TACO1: variants seen among roughly 807,000 people sequenced by gnomAD.
TACO1 encodes the protein translational activator of cytochrome c oxidase 1.
Under a neutral mutation model 24.0 loss-of-function variants are expected in TACO1, and 13 were observed. That is an observed-to-expected ratio of 0.54 (90% CI 0.35 to 0.86). The LOEUF is 0.86. Ranked by LOEUF, TACO1 falls within the 40% of genes least tolerant of loss-of-function variation. The pLI is 0.01. For missense variants in TACO1, 352 were observed against 380.1 expected (o/e 0.93, Z 0.61); for synonymous variants, 149 against 153.5 (o/e 0.97, Z 0.22).
Position 63,601,145 on chromosome 17 carries a change from GC to G in TACO1, c.66del (p.Val24SerfsTer63). ...GCTGCCCGATGCTTGCTGGCACGAG[GC>G]CCCGGGGTCAGGGCGGCTCCTCCGC... ...RAAARCLLAR[G>X]PGVRAAPPRD... On this transcript the variant is annotated frameshift_variant, in exon 1 of 5. Transcript: ENST00000258975. LOFTEE classifies it high-confidence loss of function. 1 of 1,543,648 alleles carries G rather than the reference GC, an allele frequency of 6.5e-7. No homozygotes were observed. The highest frequency in any genetic ancestry group is 8.7e-7 in the Non-Finnish European group (1 of 1,145,284).
intron 2 of TACO1, 51 bp from the exon 3 acceptor site, chr17:63,606,262 T>C: frequency 6.2e-7 from 1 of 1,610,726 alleles, no homozygotes; most frequent in Non-Finnish European, 8.5e-7. Context: ...TGGGCTGACA[T>C]GTGGGAAGGA....
intron 3 of TACO1, 82 bp from the exon 4 acceptor site, chr17:63,607,205 G>T: frequency 7.9e-7 from 1 of 1,260,662 alleles, no homozygotes; most frequent in South Asian, 1.2e-5. Flanking sequence ...GTAAGAAAGA[G>T]ACAGTGATAG....
Position 63,601,489 on chromosome 17 carries a change from C to A in TACO1, c.280+126C>A, listed in dbSNP as rs947964418. The A allele has an allele frequency of 4.1e-6, 4 of 965,442 alleles. No individual in the cohort carries two copies. In the African/African-American group the frequency reaches 4.8e-5, roughly 12 times the overall value. 59.8% of individuals were successfully genotyped at this position (965,442 alleles called of 1,614,324 possible). On this transcript the variant is annotated intron_variant, in intron 1 of 4. Coordinates refer to ENST00000258975, the MANE Select transcript of TACO1 (RefSeq NM_016360.4). Reference sequence around the variant, plus strand: ...TTCACTTTGTTTTCCTTCCCCAGTACCCACCATTGCCCACCTCATAAATCC... The same window carrying A: ...TTCACTTTGTTTTCCTTCCCCAGTAACCACCATTGCCCACCTCATAAATCC...
At chr17:63,603,080 A>G (rs918637653) in intron 1 of TACO1, among the ~76,000 whole-genome samples, 1 of 151,930 alleles carries the variant, frequency 6.6e-6, no homozygotes, top group African/African-American at 2.4e-5. Context: ...AAAATACAAA[A>G]AAATTAGCCA....
chr17:63,607,398 G>A lies in TACO1; in HGVS notation c.627G>A (p.Met209Ile), dbSNP rs2033870968. ...TGAACCTAGAGCGTGCCCTGGAGATGGCAATCGAAGCAGGAGCTGAGGATG... is the reference window on the plus strand; with the variant it reads ...TGAACCTAGAGCGTGCCCTGGAGATAGCAATCGAAGCAGGAGCTGAGGATG... ...KAVNLERALE[M>I]AIEAGAEDVK... The change falls in exon 4 of 5, where the codon ATG becomes ATA. Residue 209 changes from methionine (M) to isoleucine (I), a missense_variant. Physicochemically the swap from Met to Ile is conservative, Grantham distance 10 (BLOSUM62 1). Coordinates refer to ENST00000258975, the MANE Select transcript of TACO1 (RefSeq NM_016360.4). The A allele has an allele frequency of 6.2e-7, 1 of 1,614,206 alleles. No individual in the cohort carries two copies. The highest frequency in any genetic ancestry group is 1.3e-5 in the African/African-American group (1 of 75,044).
chr17:63,601,666 C>G (rs564009459), intron 1 of TACO1, among the ~76,000 whole-genome samples: 20 of 152,282 alleles, frequency 1.3e-4, no homozygotes, highest in Non-Finnish European at 4.4e-5. Context: ...TTAATAGAAA[C>G]AAGCCCTAAG....
rs754554086 is a variant in TACO1 at position 63,606,385 on chromosome 17, T to C, written c.460T>C (p.Ser154Pro). ...GGSSLLIEALSNSSHKCQADI... is the reference protein window; with the variant it reads ...GGSSLLIEALPNSSHKCQADI... ...CTCTTCTCTGCTCATCGAGGCATTA[T>C]CTAACAGTAGCCACAAGTGCCAAGC... is the stretch of plus-strand genomic sequence containing the variant. Residue 154 changes from serine to proline, a missense_variant, in exon 3 of 5, where the codon TCT becomes CCT. Coordinates refer to ENST00000258975, the MANE Select transcript of TACO1 (RefSeq NM_016360.4). 2.8e-5 allele frequency: 45 copies of C among 1,614,060 alleles called. 1 individual carries two copies. The South Asian group carries it at 4.8e-4, about 17-fold the overall frequency.
At position 63,601,058 on chromosome 17, in the gene TACO1, C is replaced by A. The variant is rs559064510; in HGVS notation, c.-26C>A. The A allele has an allele frequency of 1.8e-5, 27 of 1,538,006 alleles. No individual in the cohort carries two copies. The South Asian group carries it at 2.6e-4, about 15-fold the overall frequency. On this transcript the variant is annotated 5_prime_UTR_variant, in exon 1 of 5. Coordinates refer to ENST00000258975, the MANE Select transcript of TACO1 (RefSeq NM_016360.4). ...CGCCGGCGTTGGCCGCTGCTGCTAG[C>A]AGCTTGAACCCCAGGGTCGGGACCG...
Position 63,601,290 on chromosome 17 carries a change from C to T in TACO1, c.207C>T (p.Ile69=). The T allele has an allele frequency of 6.2e-7, 1 of 1,612,946 alleles. No individual in the cohort carries two copies. The highest frequency in any genetic ancestry group is 8.5e-7 in the Non-Finnish European group (1 of 1,179,914). Residue 69 remains isoleucine, a synonymous_variant, in exon 1 of 5, where the codon ATC becomes ATT. Transcript: ENST00000258975. ...ACAAGTGGTCCAAAGTCAGGCACATCAAGGGTCCGAAGGACGTCGAAAGGA... is the reference window on the plus strand; with the variant it reads ...ACAAGTGGTCCAAAGTCAGGCACATTAAGGGTCCGAAGGACGTCGAAAGGA... ...GHNKWSKVRH[I]KGPKDVERSR...
rs200583156 is a variant in TACO1, at chr17:63,607,443, A to G, written c.672A>G (p.Glu224=). The change falls in exon 4 of 5, where the codon GAA becomes GAG. Residue 224 remains glutamate, a synonymous_variant. Coordinates refer to ENST00000258975, the MANE Select transcript of TACO1 (RefSeq NM_016360.4). Reference sequence around the variant, plus strand: ...AGGATGTCAAGGAAACTGAAGATGAAGAAGAAAGGAACGTTTTTAAAGTAA... The same window carrying G: ...AGGATGTCAAGGAAACTGAAGATGAGGAAGAAAGGAACGTTTTTAAAGTAA... ...GAEDVKETED[E]EERNVFKFIC... is the part of the protein sequence containing the mutation. 223 of 1,614,126 alleles carry G rather than the reference A, an allele frequency of 1.4e-4. No individual in the cohort carries two copies. Among genetic ancestry groups the G allele is most frequent in the Non-Finnish European group, 1.9e-4 (220 of 1,180,054 alleles).
At chr17:63,604,475 C>A in intron 1 of TACO1, 59 bp from the exon 2 acceptor site, 1 of 1,439,602 alleles carries the variant, frequency 6.9e-7, no homozygotes, top group Non-Finnish European at 9.8e-7. Context: ...CTTTTATTCT[C>A]CCATGTTGTA....
intron 3 of TACO1, 195 bp downstream of exon 3, chr17:63,606,635 T>A: frequency 1.6e-6 from 1 of 633,136 alleles, no homozygotes; most frequent in Non-Finnish European, 2.8e-6. Flanking sequence ...AACCTCTGCT[T>A]TCTGGGTTCA....
rs774079497 is a variant in TACO1 at position 63,607,875 on chromosome 17, G to T, written c.767G>T (p.Cys256Phe). Residue 256 changes from cysteine (C) to phenylalanine (F), a missense_variant, in exon 5 of 5, where the codon TGT becomes TTT. Transcript: ENST00000258975. ...LDSLGLCSVS[C>F]ALEFIPNSKV... ...TCCCTGGGCCTGTGTTCTGTGTCCT[G>T]TGCACTAGAGTTCATCCCCAACTCA... 21 of 1,614,180 alleles carry T rather than the reference G, an allele frequency of 1.3e-5. No individual in the cohort carries two copies. Among genetic ancestry groups the T allele is most frequent in the Non-Finnish European group, 1.7e-5 (20 of 1,180,044 alleles).
intron 4 of TACO1, 122 bp downstream of exon 4, chr17:63,607,586 G>T (rs1371891302): frequency 1.6e-5 from 18 of 1,091,848 alleles, no homozygotes; most frequent in Non-Finnish European, 2.3e-5. Flanking sequence ...TTCACATATT[G>T]TACAAACATT....
At chr17:63,606,502 G>A in intron 3 of TACO1, 62 bp downstream of exon 3, 1 of 1,598,930 alleles carries the variant, frequency 6.3e-7, no homozygotes, top group Non-Finnish European at 8.6e-7. Flanking sequence ...TTCTCTGCAA[G>A]GCAAGTACTG....
rs766565910 is a variant in TACO1, at chr17:63,604,521, C to G, written c.281-13C>G. The G allele has an allele frequency of 6.2e-7, 1 of 1,608,888 alleles. No individual in the cohort carries two copies. Among genetic ancestry groups the G allele is most frequent in the Non-Finnish European group, 8.5e-7 (1 of 1,176,116 alleles). On this transcript the variant is annotated splice_polypyrimidine_tract_variant and intron_variant, in intron 1 of 4. Transcript: ENST00000258975. The stretch of plus-strand genomic sequence containing the variant: ...TTTGCTCACTCTTTTTTTTCTTTTT[C>G]TTTAAATCTCAGAAGGAGGCCCCAA...
chr17:63,606,165 G>C (rs2033860272), intron 2 of TACO1, 148 bp from the exon 3 acceptor site: 1 of 1,026,418 alleles, frequency 9.7e-7, no homozygotes, highest in South Asian at 1.3e-5. Flanking sequence ...GTTGGTTAGA[G>C]GGTGGGGACA....
intron 3 of TACO1, 27 bp from the exon 4 acceptor site, chr17:63,607,260 A>G (rs1180566029): frequency 6.2e-7 from 1 of 1,609,294 alleles, no homozygotes; most frequent in African/African-American, 1.3e-5. Flanking sequence ...GCATCCACTC[A>G]TGCCAGCCTG....
chr17:63,606,740 G>C, intron 3 of TACO1: 1 of 410,104 alleles, frequency 2.4e-6, no homozygotes, highest in East Asian at 5.6e-5. Context: ...GAGGTGACAG[G>C]GTTTCATCAT....
Sources: gnomAD v4.1 joint callset for allele counts (sites outside exome capture counted in the v4.1 genomes callset) on GRCh38, gnomAD v4.1.1 for gene constraint, MANE v1.5 for transcripts, NCBI Gene and HGNC (gene_info 2026-07-23, HGNC 2026-07-21) for gene names.